The following CDH18 variants were observed in gnomAD, a reference collection of about 807,000 sequenced individuals.
CDH18 encodes cadherin-18.
CDH18 carries 31 observed loss-of-function variants against 67.9 expected under a neutral mutation model. The ratio of observed to expected loss-of-function variants is 0.46; its 90% CI spans 0.34 to 0.62. The LOEUF is 0.62. Among genes scored for constraint, CDH18 ranks in the 20% least tolerant of loss-of-function variants. CDH18 has a pLI of 0.01. For missense variants in CDH18, 890 were observed against 975.5 expected (o/e 0.91, Z 1.17); for synonymous variants, 362 against 347.2 (o/e 1.04, Z -0.48).
At chr5:19,849,622 AT>A (rs1453739471) in intron 2 of CDH18, among the ~76,000 whole-genome samples, 6,507 of 90,278 alleles carry the variant, frequency 0.072, 1,043 homozygotes, top group South Asian at 0.18. Context: ...GCATATATAT[AT>A]AAACATATAT....
At chr5:19,497,720 G>C (rs1162855235) in intron 11 of CDH18, among the ~76,000 whole-genome samples, 1 of 152,174 alleles carries the variant, frequency 6.6e-6, no homozygotes, top group Non-Finnish European at 1.5e-5. Flanking sequence ...GCTACCTTAT[G>C]TAATTCTAGG....
intron 2 of CDH18, among the ~76,000 whole-genome samples, chr5:20,208,093 C>G (rs1014213153): frequency 1.3e-5 from 2 of 152,018 alleles, no homozygotes; most frequent in Non-Finnish European, 2.9e-5. Context: ...TACCCAATGC[C>G]GAGTAAATTA....
intron 1 of CDH18, among the ~76,000 whole-genome samples, chr5:20,569,711 C>T (rs1339234358): frequency 2.0e-5 from 3 of 152,134 alleles, no homozygotes; most frequent in Non-Finnish European, 4.4e-5. Context: ...TACATATACA[C>T]AAAAGACTGA....
At chr5:20,537,853 G>C (rs2126576350) in intron 1 of CDH18, among the ~76,000 whole-genome samples, 1 of 152,194 alleles carries the variant, frequency 6.6e-6, no homozygotes, top group South Asian at 2.1e-4. Context: ...TCAAAACCTG[G>C]CTGCATTTGC....
At chr5:19,861,837 T>G (rs990103833) in intron 2 of CDH18, among the ~76,000 whole-genome samples, 1 of 152,146 alleles carries the variant, frequency 6.6e-6, no homozygotes, top group Non-Finnish European at 1.5e-5. Flanking sequence ...GGAGGAAACA[T>G]GAAGAGTTCA....
intron 2 of CDH18, among the ~76,000 whole-genome samples, chr5:20,033,853 T>C (rs892305045): frequency 1.3e-5 from 2 of 152,066 alleles, no homozygotes; most frequent in Non-Finnish European, 2.9e-5. Flanking sequence ...ACAGTTTAAT[T>C]TCAAGCTCTT....
intron 2 of CDH18, among the ~76,000 whole-genome samples, chr5:19,860,994 CTA>C (rs1168451568): frequency 2.0e-5 from 3 of 151,994 alleles, no homozygotes; most frequent in African/African-American, 7.2e-5. Context: ...AGATTTTATT[CTA>C]TATCTCATGA....
chr5:19,526,427 G>T (rs544365853), intron 9 of CDH18, among the ~76,000 whole-genome samples: 1 of 152,216 alleles, frequency 6.6e-6, no homozygotes, highest in South Asian at 2.1e-4. Flanking sequence ...ATATGTAGAA[G>T]ATCTTTTATA....
At chr5:20,328,123 G>GAAAGGCTT (rs1264701596) in intron 1 of CDH18, among the ~76,000 whole-genome samples, 1 of 151,992 alleles carries the variant, frequency 6.6e-6, no homozygotes, top group African/African-American at 2.4e-5. Context: ...GAGGAAGGAA[G>GAAAGGCTT]CCTTTAGGGG....
At position 19,987,557 on chromosome 5, in the gene CDH18, A is replaced by G. The variant is rs562696329; in HGVS notation, c.-376+529T>C. ...GGAAGAAAAAAAAAAAGAATGAAAG[A>G]ATATAAATGAGGCTTGTCCTGCTGC... On this transcript the variant is annotated intron_variant, in intron 1 of 12. Transcript: ENST00000382275. 4.6e-5 allele frequency among the ~76,000 whole-genome samples: 7 copies of G among 152,216 alleles called. No homozygotes were observed. The East Asian group carries it at 1.4e-3, about 29-fold the overall frequency.
At chr5:20,513,144 A>T (rs1755151343) in intron 1 of CDH18, among the ~76,000 whole-genome samples, 1 of 152,196 alleles carries the variant, frequency 6.6e-6, no homozygotes, top group Non-Finnish European at 1.5e-5. Context: ...TTAACAAGAA[A>T]ACTCTAAAAC....
intron 5 of CDH18, among the ~76,000 whole-genome samples, chr5:19,675,358 A>T (rs1359661004): frequency 1.2e-4 from 19 of 152,022 alleles, no homozygotes; most frequent in Admixed American, 1.2e-3. Flanking sequence ...TCCTAGTCCT[A>T]ATAAGCCTGG....
intron 10 of CDH18, among the ~76,000 whole-genome samples, chr5:19,517,508 G>T (rs1325167212): frequency 6.6e-6 from 1 of 152,010 alleles, no homozygotes; most frequent in Admixed American, 6.6e-5. Flanking sequence ...GCTTTTTGGG[G>T]TCAAGTCAAA....
At chr5:19,667,324 A>G (rs1347324052) in intron 5 of CDH18, among the ~76,000 whole-genome samples, 1 of 151,522 alleles carries the variant, frequency 6.6e-6, no homozygotes, top group East Asian at 1.9e-4. Flanking sequence ...GGCATACTTC[A>G]TAGTCAATAT....
At chr5:20,057,186 T>G (rs1392754352) in intron 2 of CDH18, among the ~76,000 whole-genome samples, 1 of 152,184 alleles carries the variant, frequency 6.6e-6, no homozygotes, top group Non-Finnish European at 1.5e-5. Flanking sequence ...AAATATTTGT[T>G]CAGCATGCCA....
At chr5:19,750,194 A>C (rs1770653297) in intron 3 of CDH18, among the ~76,000 whole-genome samples, 1 of 152,094 alleles carries the variant, frequency 6.6e-6, no homozygotes, top group Non-Finnish European at 1.5e-5. Flanking sequence ...TATGATTATG[A>C]TGATAACCAC....
At chr5:20,571,137 T>A (rs974280603) in intron 1 of CDH18, among the ~76,000 whole-genome samples, 2 of 152,176 alleles carry the variant, frequency 1.3e-5, no homozygotes, top group Non-Finnish European at 2.9e-5. Context: ...AGAATTTTTC[T>A]CATACTCTGT....
intron 2 of CDH18, among the ~76,000 whole-genome samples, chr5:20,253,423 T>C (rs1744007629): frequency 6.6e-6 from 1 of 152,100 alleles, no homozygotes; most frequent in African/African-American, 2.4e-5. Context: ...ATAATTAAAA[T>C]GATAGACACC....
chr5:19,792,939 G>C (rs1004647736), intron 3 of CDH18, among the ~76,000 whole-genome samples: 4 of 152,232 alleles, frequency 2.6e-5, no homozygotes, highest in Admixed American at 2.6e-4. Context: ...TAGATAGCAA[G>C]CATGATTCTT....
Sources: allele counts gnomAD v4.1 joint callset (sites outside exome capture counted in the v4.1 genomes callset), GRCh38; gene constraint gnomAD v4.1.1; transcripts MANE v1.5; gene names NCBI Gene and HGNC (gene_info 2026-07-23, HGNC 2026-07-21).